WWOX: variants seen among roughly 807,000 people sequenced by gnomAD.
WWOX encodes the protein WW domain containing oxidoreductase, also known as WW domain-containing oxidoreductase.
Under a neutral mutation model 46.2 loss-of-function variants are expected in WWOX, and 69 were observed. The observed-to-expected ratio is 1.49, with a 90% CI of 1.23 to 1.82. The LOEUF is 1.82. Ranked by LOEUF, WWOX falls within the 40% of genes most tolerant of loss-of-function variation. The probability of loss-of-function intolerance (pLI) is 0.00; values close to 1 mark genes in which losing one functional copy is unlikely to be tolerated. For missense variants in WWOX, 919 were observed against 542.6 expected, an observed-to-expected ratio of 1.69 and a Z score of -6.89; for synonymous variants, 359 against 202.6, an observed-to-expected ratio of 1.77 and a Z score of -6.56.
At chr16:78,399,978 A>G (rs7189372) in intron 6 of WWOX, among the ~76,000 whole-genome samples, 39 of 152,330 alleles carry the variant, frequency 2.6e-4, no homozygotes, top group African/African-American at 9.1e-4. Flanking sequence ...CCCAAGGAAG[A>G]TTATATTTTT....
At chr16:78,305,727 AC>A (rs1291556290) in intron 5 of WWOX, among the ~76,000 whole-genome samples, 1 of 152,194 alleles carries the variant, frequency 6.6e-6, no homozygotes, top group Non-Finnish European at 1.5e-5. Context: ...CACGCAGCCC[AC>A]ATTAAACAAT....
rs919118570 is a variant in WWOX at position 78,545,696 on chromosome 16, G to C, written c.1056+112944G>C. On this transcript the variant is annotated intron_variant, in intron 8 of 8. Transcript: ENST00000566780. ...TAACATGACAAAATACCACCCACTGGGGATATTAAACATTAGAAACTTACT... is the reference window on the plus strand; with the variant it reads ...TAACATGACAAAATACCACCCACTGCGGATATTAAACATTAGAAACTTACT... Among the ~76,000 whole-genome samples, 4 of 152,150 alleles carry C rather than the reference G, an allele frequency of 2.6e-5. No homozygotes were observed. The East Asian group carries it at 7.7e-4, about 29-fold the overall frequency.
intron 8 of WWOX, among the ~76,000 whole-genome samples, chr16:78,582,727 T>C (rs2045092855): frequency 6.6e-6 from 1 of 152,198 alleles, no homozygotes; most frequent in Non-Finnish European, 1.5e-5. Flanking sequence ...ATAGGGTTGT[T>C]AGAAAAGTCT....
chr16:78,876,763 A>G (rs1457922072), intron 8 of WWOX, among the ~76,000 whole-genome samples: 1 of 152,190 alleles, frequency 6.6e-6, no homozygotes, highest in East Asian at 1.9e-4. Flanking sequence ...AGATTAACCA[A>G]AAATCTAAAG....
intron 8 of WWOX, among the ~76,000 whole-genome samples, chr16:78,802,802 G>T (rs1011657305): frequency 1.3e-5 from 2 of 150,856 alleles, no homozygotes; most frequent in Non-Finnish European, 3.0e-5. Context: ...TGTAATCCCA[G>T]CTACATGGGA....
chr16:78,308,613 C>T (rs1008055151), intron 5 of WWOX, among the ~76,000 whole-genome samples: 1 of 152,174 alleles, frequency 6.6e-6, no homozygotes, highest in Non-Finnish European at 1.5e-5. Flanking sequence ...TTCTTGTCTA[C>T]ATTCTGTAGA....
intron 8 of WWOX, among the ~76,000 whole-genome samples, chr16:79,136,093 C>T (rs1254026175): frequency 6.6e-6 from 1 of 152,064 alleles, no homozygotes; most frequent in Non-Finnish European, 1.5e-5. Context: ...GGCAGAATAC[C>T]ATTTAAGTCT....
intron 8 of WWOX, among the ~76,000 whole-genome samples, chr16:78,909,631 C>T (rs1047628637): frequency 7.2e-5 from 11 of 152,150 alleles, no homozygotes; most frequent in African/African-American, 2.4e-4. Context: ...ATGAAAGTTC[C>T]CTTTCAGAAA....
intron 8 of WWOX, among the ~76,000 whole-genome samples, chr16:78,714,225 G>T (rs6564579): frequency 0.58 from 88,509 of 151,864 alleles, 25,913 homozygotes; most frequent in African/African-American, 0.64. Context: ...TACCTGAGAT[G>T]GGGTAATTTG....
chr16:78,315,774 C>T (rs192581040), intron 5 of WWOX, among the ~76,000 whole-genome samples: 47 of 152,166 alleles, frequency 3.1e-4, no homozygotes, highest in African/African-American at 9.2e-4. Flanking sequence ...TCCATGTTAT[C>T]GCCATTTTCA....
intron 5 of WWOX, among the ~76,000 whole-genome samples, chr16:78,327,998 A>G (rs1054212556): frequency 2.0e-5 from 3 of 147,460 alleles, no homozygotes; most frequent in African/African-American, 7.6e-5. Flanking sequence ...CATCTCAGCT[A>G]CTTAGTAGCT....
intron 8 of WWOX, among the ~76,000 whole-genome samples, chr16:78,471,917 T>C (rs1409326235): frequency 3.9e-5 from 6 of 152,204 alleles, no homozygotes; most frequent in Non-Finnish European, 8.8e-5. Flanking sequence ...ATAACGGTTA[T>C]CAGTTTTTGA....
intron 8 of WWOX, among the ~76,000 whole-genome samples, chr16:78,747,990 A>G (rs1044708902): frequency 5.9e-5 from 9 of 152,168 alleles, no homozygotes; most frequent in African/African-American, 1.7e-4. Context: ...GTAGCAGCCT[A>G]AGAAACTCCA....
At chr16:79,145,422 G>A (rs189702606) in intron 8 of WWOX, among the ~76,000 whole-genome samples, 15 of 152,130 alleles carry the variant, frequency 9.9e-5, no homozygotes, top group Admixed American at 7.9e-4. Context: ...GGCTGGTCTC[G>A]ATCTCCTAGG....
At chr16:78,536,206 C>A (rs1039646791) in intron 8 of WWOX, among the ~76,000 whole-genome samples, 2 of 152,088 alleles carry the variant, frequency 1.3e-5, no homozygotes, top group African/African-American at 4.8e-5. Context: ...TAATTTGGTG[C>A]CATTCTCCTC....
intron 5 of WWOX, among the ~76,000 whole-genome samples, chr16:78,352,155 G>A (rs1435432780): frequency 6.6e-6 from 1 of 152,226 alleles, no homozygotes; most frequent in Non-Finnish European, 1.5e-5. Flanking sequence ...AGCATATGCA[G>A]GCCAGACCTT....
chr16:78,760,963 C>G (rs1005620813), intron 8 of WWOX, among the ~76,000 whole-genome samples: 1 of 152,086 alleles, frequency 6.6e-6, no homozygotes, highest in Non-Finnish European at 1.5e-5. Flanking sequence ...TTTATAATAC[C>G]ATCAGATCTC....
At chr16:78,709,602 G>C (rs571572359) in intron 8 of WWOX, among the ~76,000 whole-genome samples, 2 of 152,256 alleles carry the variant, frequency 1.3e-5, no homozygotes, top group African/African-American at 4.8e-5. Flanking sequence ...TCAGGTGAGC[G>C]TGCTGTGGGT....
At chr16:78,565,367 G>T (rs776571897) in intron 8 of WWOX, among the ~76,000 whole-genome samples, 4 of 152,176 alleles carry the variant, frequency 2.6e-5, no homozygotes, top group Non-Finnish European at 5.9e-5. Flanking sequence ...GGGAGAATCT[G>T]TTTCCTTGCG....
Sources: gnomAD v4.1 joint callset for allele counts (sites outside exome capture counted in the v4.1 genomes callset) on GRCh38, gnomAD v4.1.1 for gene constraint, MANE v1.5 for transcripts, NCBI Gene and HGNC (gene_info 2026-07-23, HGNC 2026-07-21) for gene names.